The following DHRS3 variants were observed in gnomAD, a reference collection of about 807,000 sequenced individuals.
DHRS3 encodes the protein dehydrogenase/reductase 3.
DHRS3 carries 14 observed loss-of-function variants against 27.2 expected under a neutral mutation model. The ratio of observed to expected loss-of-function variants is 0.52; its 90% CI spans 0.34 to 0.81. The LOEUF is 0.81. Ranked by LOEUF, DHRS3 falls within the 30% of genes least tolerant of loss-of-function variation. The pLI is 0.01. For missense variants in DHRS3, 322 were observed against 406.2 expected, an observed-to-expected ratio of 0.79 and a Z score of 1.78; for synonymous variants, 165 against 175.9, an observed-to-expected ratio of 0.94 and a Z score of 0.49.
Position 12,579,257 on chromosome 1 carries a change from C to A in DHRS3, c.459+36G>T, listed in dbSNP as rs10449317. ...CTCCATCCTGCCTGGGCTCCCTGCA[C>A]GCCCGGGGCTGGCTCTGGCCCCGGA... On this transcript the variant is annotated intron_variant, in intron 3 of 5. Coordinates refer to ENST00000616661, the MANE Select transcript of DHRS3 (RefSeq NM_004753.7). 1.5e-5 allele frequency: 25 copies of A among 1,613,874 alleles called. No individual in the cohort carries two copies. The South Asian group carries it at 1.6e-4, about 11-fold the overall frequency.
intron 4 of DHRS3, among the ~76,000 whole-genome samples, chr1:12,575,434 T>A (rs1646577515): frequency 6.6e-6 from 1 of 152,122 alleles, no homozygotes. Context: ...CCTAAACATG[T>A]CTTCACATTT....
chr1:12,574,074 G>A lies in DHRS3; in HGVS notation c.699-1221C>T, dbSNP rs1043987199. Among the ~76,000 whole-genome samples the A allele has an allele frequency of 1.3e-5, 2 of 152,198 alleles. No individual in the cohort carries two copies. Among genetic ancestry groups the A allele is most frequent in the Middle Eastern group, 3.2e-3 (1 of 316 alleles). ...GTTTGATGTCATTCCTCAGCAACAG[G>A]CAGCCCTTGGACTCCCAGCAGGGGT... On this transcript the variant is annotated intron_variant, in intron 4 of 5. Coordinates refer to ENST00000616661, the MANE Select transcript of DHRS3 (RefSeq NM_004753.7). The surrounding 1 kb of genome is among the most constrained non-coding windows in gnomAD (Gnocchi z 4.6).
chr1:12,615,469 T>C (rs747298895), intron 1 of DHRS3, among the ~76,000 whole-genome samples: 10 of 152,190 alleles, frequency 6.6e-5, no homozygotes, highest in Non-Finnish European at 1.2e-4. Flanking sequence ...CTCTGTACTA[T>C]CACACCCACC....
intron 4 of DHRS3, 33 bp from the exon 5 acceptor site, chr1:12,572,886 C>T (rs1372054928): frequency 1.9e-6 from 3 of 1,555,208 alleles, no homozygotes; most frequent in East Asian, 4.7e-5. Flanking sequence ...TGGGTTTCTC[C>T]TGGAGAGGCA....
In DHRS3 at chr1:12,574,853, T is replaced by C. The variant is rs923113382; in HGVS notation, c.699-2000A>G. Among the ~76,000 whole-genome samples the C allele has an allele frequency of 1.3e-5, 2 of 152,186 alleles. No individual in the cohort carries two copies. Among genetic ancestry groups the C allele is most frequent in the African/African-American group, 4.8e-5 (2 of 41,442 alleles). On this transcript the variant is annotated intron_variant, in intron 4 of 5. Coordinates refer to ENST00000616661, the MANE Select transcript of DHRS3 (RefSeq NM_004753.7). The surrounding 1 kb of genome is among the most constrained non-coding windows in gnomAD (Gnocchi z 4.6). Reference sequence around the variant, plus strand: ...GTGCAAATTCGTGGAAGAAGCATGCTTAGCTAGCCAGTTTCAAGCTATGTG... The same window carrying C: ...GTGCAAATTCGTGGAAGAAGCATGCCTAGCTAGCCAGTTTCAAGCTATGTG...
intron 5 of DHRS3, among the ~76,000 whole-genome samples, chr1:12,569,373 ATTT>A (rs556362460): frequency 4.4e-4 from 67 of 151,768 alleles, no homozygotes; most frequent in African/African-American, 1.5e-3. Flanking sequence ...AACAGAGCTC[ATTT>A]TTTTATTTTT....
rs138487722 is a variant in DHRS3 at position 12,603,654 on chromosome 1, C to G, written c.195+13500G>C. ...GTAGAAGTGGTTGGGGGAGGTGGGA[C>G]GCAGACAGGAGACCGTGTTCCCTAG... On this transcript the variant is annotated intron_variant, in intron 1 of 5. Transcript: ENST00000616661. Among the ~76,000 whole-genome samples the G allele has an allele frequency of 9.2e-5, 14 of 152,234 alleles. No homozygotes were observed. In the East Asian group the frequency reaches 2.7e-3, roughly 29 times the overall value.
chr1:12,573,511 A>G (rs986749459), intron 4 of DHRS3, among the ~76,000 whole-genome samples: 1 of 152,214 alleles, frequency 6.6e-6, no homozygotes, highest in African/African-American at 2.4e-5. Context: ...ACAGCATCTG[A>G]TACATAGTAT....
At chr1:12,604,227 C>T (rs1646854766) in intron 1 of DHRS3, among the ~76,000 whole-genome samples, 1 of 152,170 alleles carries the variant, frequency 6.6e-6, no homozygotes, top group African/African-American at 2.4e-5. Flanking sequence ...GTGATCAAAG[C>T]TCTCAGGCCA....
intron 4 of DHRS3, among the ~76,000 whole-genome samples, chr1:12,573,414 T>C (rs764710831): frequency 2.0e-5 from 3 of 152,264 alleles, no homozygotes; most frequent in Middle Eastern, 3.2e-3. Flanking sequence ...TTTTGGGTTG[T>C]TTCCTTGTCA....
chr1:12,586,893 C>T lies in DHRS3; in HGVS notation c.196-6227G>A, dbSNP rs1314999399. On this transcript the variant is annotated intron_variant, in intron 1 of 5. Transcript: ENST00000616661. This position sits in a 1 kb window ranked among gnomAD's most constrained non-coding sequence, Gnocchi z 5.0. ...TTAAGCTGGCAGAAGCTGGCACCCA[C>T]TAACTAACTGCTCAGTACCCACTCC... is the stretch of plus-strand genomic sequence containing the variant. 6.6e-6 allele frequency among the ~76,000 whole-genome samples: 1 copy of T among 152,074 alleles called. No individual in the cohort carries two copies. The highest frequency in any genetic ancestry group is 1.5e-5 in the Non-Finnish European group (1 of 67,970).
At chr1:12,611,922 G>A (rs1440948384) in intron 1 of DHRS3, among the ~76,000 whole-genome samples, 3 of 51,156 alleles carry the variant, frequency 5.9e-5, no homozygotes, top group African/African-American at 2.4e-4. Context: ...GGAGACTCCC[G>A]TCTCTATTTT....
chr1:12,568,537 C>G, intron 5 of DHRS3, 113 bp from the exon 6 acceptor site: 1 of 914,208 alleles, frequency 1.1e-6, no homozygotes. Flanking sequence ...CCTGAAAGTG[C>G]TCCCCACACC....
intron 1 of DHRS3, among the ~76,000 whole-genome samples, chr1:12,606,542 T>A (rs547827367): frequency 2.0e-5 from 3 of 152,060 alleles, no homozygotes; most frequent in Non-Finnish European, 4.4e-5. Flanking sequence ...CAGGCTGGAG[T>A]GCAATGACGT....
intron 4 of DHRS3, among the ~76,000 whole-genome samples, chr1:12,573,876 A>T (rs749789382): frequency 2.0e-5 from 3 of 152,204 alleles, no homozygotes; most frequent in African/African-American, 4.8e-5. Context: ...TTGAGTCAGT[A>T]GGGCGCTAAG....
rs747271267 is a variant in DHRS3, at chr1:12,578,749, T to C, written c.667A>G (p.Ser223Gly). ...CTCATGCCCTGGAACATCTCGGTGC[T>C]GGTGTGGAAGGGCAGCACTGTGGTG... ...SATTVLPFHT[S>G]TEMFQGMRVR... Residue 223 changes from serine (S) to glycine (G), a missense_variant, in exon 4 of 6, where the codon AGC becomes GGC. Transcript: ENST00000616661. This position sits in a 1 kb window ranked among gnomAD's most constrained non-coding sequence, Gnocchi z 4.5. 19 of 1,613,954 alleles carry C rather than the reference T, an allele frequency of 1.2e-5. No individual in the cohort carries two copies. Among genetic ancestry groups the C allele is most frequent in the Middle Eastern group, 1.6e-4 (1 of 6,084 alleles).
intron 5 of DHRS3, among the ~76,000 whole-genome samples, chr1:12,571,141 G>A (rs1646532931): frequency 6.6e-6 from 1 of 152,224 alleles, no homozygotes; most frequent in Non-Finnish European, 1.5e-5. Flanking sequence ...AGAGCCCATG[G>A]TCACTTGTGG....
At chr1:12,576,008 G>C (rs569033185) in intron 4 of DHRS3, among the ~76,000 whole-genome samples, 55 of 151,976 alleles carry the variant, frequency 3.6e-4, no homozygotes, top group African/African-American at 1.3e-3. Context: ...TGCCCAGCTG[G>C]GGATACTATT....
At chr1:12,612,281 A>C (rs1646915787) in intron 1 of DHRS3, among the ~76,000 whole-genome samples, 1 of 152,146 alleles carries the variant, frequency 6.6e-6, no homozygotes, top group Admixed American at 6.5e-5. Flanking sequence ...CTAGGGACCC[A>C]CAGATGACCT....
Sources: allele counts gnomAD v4.1 joint callset (sites outside exome capture counted in the v4.1 genomes callset), GRCh38; gene constraint gnomAD v4.1.1; non-coding constraint Gnocchi (gnomAD v3.1); transcripts MANE v1.5; gene names NCBI Gene and HGNC (gene_info 2026-07-23, HGNC 2026-07-21).